HPSE2: variants seen among roughly 807,000 people sequenced by gnomAD.
HPSE2 encodes heparanase 2 (inactive).
A neutral mutation model predicts 60.5 loss-of-function variants in HPSE2; 38 were observed. The ratio of observed to expected loss-of-function variants is 0.63; its 90% CI spans 0.48 to 0.82. The LOEUF is 0.82. HPSE2 is among the 40% of genes least tolerant of loss of function. The pLI, the probability that HPSE2 is intolerant of heterozygous loss-of-function variation, is 0.00. For missense variants in HPSE2, 713 were observed against 740.4 expected (o/e 0.96, Z 0.43); for synonymous variants, 295 against 293.2 (o/e 1.01, Z -0.06).
chr10:99,141,071 T>C (rs1175362223), intron 3 of HPSE2, among the ~76,000 whole-genome samples: 1 of 152,222 alleles, frequency 6.6e-6, no homozygotes, highest in African/African-American at 2.4e-5. Flanking sequence ...ATTCATTCTT[T>C]ATGTACACAG....
At chr10:99,107,160 C>A (rs1488081461) in intron 3 of HPSE2, among the ~76,000 whole-genome samples, 1 of 152,116 alleles carries the variant, frequency 6.6e-6, no homozygotes, top group East Asian at 1.9e-4. Context: ...TGTGAGCCAC[C>A]ACATCTGGCC....
intron 3 of HPSE2, among the ~76,000 whole-genome samples, chr10:99,105,579 C>G (rs1206166120): frequency 1.3e-5 from 2 of 148,918 alleles, no homozygotes; most frequent in Non-Finnish European, 1.5e-5. Context: ...TGTGACTTGT[C>G]TTTTTATTTT....
chr10:98,871,310 C>T (rs540608081), intron 3 of HPSE2, among the ~76,000 whole-genome samples: 86 of 152,116 alleles, frequency 5.7e-4, no homozygotes, highest in South Asian at 4.4e-3. Flanking sequence ...ATAATTGATA[C>T]GAAAAGTACA....
At chr10:98,822,946 T>G (rs558967439) in intron 3 of HPSE2, among the ~76,000 whole-genome samples, 1 of 152,350 alleles carries the variant, frequency 6.6e-6, no homozygotes, top group Admixed American at 6.5e-5. Context: ...ATGGGGAGAT[T>G]ATTCTAAATT....
At chr10:99,020,859 C>T (rs1042199788) in intron 3 of HPSE2, among the ~76,000 whole-genome samples, 1 of 152,126 alleles carries the variant, frequency 6.6e-6, no homozygotes, top group Non-Finnish European at 1.5e-5. Context: ...ATAAATACTA[C>T]CTGAAAATGG....
intron 3 of HPSE2, among the ~76,000 whole-genome samples, chr10:99,102,280 T>C (rs1589659061): frequency 6.6e-6 from 1 of 151,718 alleles, no homozygotes; most frequent in Non-Finnish European, 1.5e-5. Flanking sequence ...ATAGATGCAA[T>C]AAAAAATGAT....
intron 3 of HPSE2, among the ~76,000 whole-genome samples, chr10:99,033,097 CT>C (rs1338339429): frequency 6.6e-6 from 1 of 152,124 alleles, no homozygotes; most frequent in East Asian, 1.9e-4. Flanking sequence ...ATTCTTCCAG[CT>C]ACTACAACAC....
chr10:98,964,412 T>C (rs530864468), intron 3 of HPSE2, among the ~76,000 whole-genome samples: 14 of 152,272 alleles, frequency 9.2e-5, no homozygotes, highest in Admixed American at 8.5e-4. Context: ...GTAATTGTCA[T>C]TGTTTTAATA....
chr10:99,284,395 A>G, the HPSE2 span, among the ~76,000 whole-genome samples: 3 of 152,198 alleles, frequency 2.0e-5, no homozygotes, highest in African/African-American at 7.2e-5. Flanking sequence ...GATAAAGGCC[A>G]TATACAAAAA....
rs186857635 is a variant in HPSE2 at position 98,750,001 on chromosome 10, C to T, written c.611-5945G>A. Reference sequence around the variant, plus strand: ...TGCAATGAGCAAAACAGAAAACAGGCCCTACCCTCATGGAGGTTACATTTA... The same window carrying T: ...TGCAATGAGCAAAACAGAAAACAGGTCCTACCCTCATGGAGGTTACATTTA... On this transcript the variant is annotated intron_variant, in intron 3 of 11. Coordinates refer to ENST00000370552, the MANE Select transcript of HPSE2 (RefSeq NM_021828.5). Among the ~76,000 whole-genome samples the T allele has an allele frequency of 1.4e-4, 20 of 143,220 alleles. No homozygotes were observed. In the East Asian group the frequency reaches 3.9e-3, roughly 28 times the overall value. The allele number at this position is 143,220 out of a possible 152,430, so 94.0% of individuals were successfully genotyped here.
At chr10:99,030,454 G>A (rs1013548955) in intron 3 of HPSE2, among the ~76,000 whole-genome samples, 1 of 152,124 alleles carries the variant, frequency 6.6e-6, no homozygotes, top group East Asian at 1.9e-4. Flanking sequence ...ATATAATCTC[G>A]CCCCAGTCAA....
At chr10:98,932,894 T>A (rs1954680969) in intron 3 of HPSE2, among the ~76,000 whole-genome samples, 1 of 143,630 alleles carries the variant, frequency 7.0e-6, no homozygotes, top group African/African-American at 2.8e-5. Flanking sequence ...TTGCTAACAG[T>A]CTATCTATTT....
intron 3 of HPSE2, among the ~76,000 whole-genome samples, chr10:98,969,355 C>T (rs1955892164): frequency 6.6e-6 from 1 of 152,132 alleles, no homozygotes; most frequent in East Asian, 1.9e-4. Flanking sequence ...TGCCCTTCAG[C>T]ATCATAAAGG....
At chr10:99,248,746 T>C in the HPSE2 span, among the ~76,000 whole-genome samples, 89 of 152,300 alleles carry the variant, frequency 5.8e-4, no homozygotes, top group South Asian at 0.018. Context: ...CCCCAAGGCC[T>C]AGGAGGGAAG....
chr10:99,098,994 A>T (rs1843829487), intron 3 of HPSE2, among the ~76,000 whole-genome samples: 1 of 152,202 alleles, frequency 6.6e-6, no homozygotes, highest in African/African-American at 2.4e-5. Flanking sequence ...TGGTTATATA[A>T]TATTAATAAT....
At position 98,680,609 on chromosome 10, in the gene HPSE2, A is replaced by G. The variant is rs76243253; in HGVS notation, c.1004+13291T>C. 3.0e-3 allele frequency among the ~76,000 whole-genome samples: 459 copies of G among 152,332 alleles called. 1 individual carries two copies. The highest frequency in any genetic ancestry group is 0.011 in the African/African-American group (440 of 41,574). ...ACTTAAGAATGTCCTTGATAAAGTA[A>G]TTAAAGTTAATTTTATTGAGTACAC... On this transcript the variant is annotated intron_variant, in intron 6 of 11. Coordinates refer to ENST00000370552, the MANE Select transcript of HPSE2 (RefSeq NM_021828.5).
At chr10:98,617,945 C>G (rs1945961445) in intron 8 of HPSE2, among the ~76,000 whole-genome samples, 1 of 152,090 alleles carries the variant, frequency 6.6e-6, no homozygotes, top group Admixed American at 6.5e-5. Context: ...CTCAGAGTTA[C>G]GTGATATATA....
intron 7 of HPSE2, among the ~76,000 whole-genome samples, chr10:98,637,783 G>A (rs1946534741): frequency 6.6e-6 from 1 of 152,200 alleles, no homozygotes; most frequent in African/African-American, 2.4e-5. Flanking sequence ...TCTACAAAGA[G>A]AGAAGAAACA....
chr10:98,730,073 C>T (rs1949190625), intron 4 of HPSE2, among the ~76,000 whole-genome samples: 1 of 151,956 alleles, frequency 6.6e-6, no homozygotes, highest in African/African-American at 2.4e-5. Context: ...GAGAAAACAT[C>T]CTTCAGGACA....
Sources: gnomAD v4.1 joint callset for allele counts (sites outside exome capture counted in the v4.1 genomes callset) on GRCh38, gnomAD v4.1.1 for gene constraint, MANE v1.5 for transcripts, NCBI Gene and HGNC (gene_info 2026-07-23, HGNC 2026-07-21) for gene names.